The following GRIA2 variants were observed in gnomAD, a reference collection of about 807,000 sequenced individuals.
GRIA2 encodes the protein glutamate ionotropic receptor AMPA type subunit 2, also known as glutamate receptor 2.
In GRIA2, 14 loss-of-function variants were observed where a neutral mutation model predicts 97.3. The observed-to-expected ratio is 0.14, with a 90% confidence interval of 0.10 to 0.23. The LOEUF (loss-of-function observed/expected upper bound fraction) is 0.23. Among genes scored for constraint, GRIA2 ranks in the 10% least tolerant of loss-of-function variants. GRIA2 has a pLI of 1.00. For missense variants in GRIA2, 558 were observed against 1,069.8 expected (o/e 0.52, Z 6.67); for synonymous variants, 412 against 387.8 (o/e 1.06, Z -0.73).
intron 12 of GRIA2, among the ~76,000 whole-genome samples, chr4:157,352,716 T>C (rs1359722384): frequency 8.4e-5 from 6 of 71,134 alleles, no homozygotes; most frequent in African/African-American, 1.2e-4. Context: ...TAAGACTCCA[T>C]CTAAAAAAAA....
At chr4:157,362,332 C>T (rs1736665611) in intron 14 of GRIA2, 2 of 454,096 alleles carry the variant, frequency 4.4e-6, no homozygotes, top group South Asian at 1.6e-5. Context: ...GTCAGTCCTC[C>T]ATTTATGACT....
At chr4:157,313,777 A>G (rs895533401) in intron 4 of GRIA2, among the ~76,000 whole-genome samples, 1 of 151,922 alleles carries the variant, frequency 6.6e-6, no homozygotes, top group African/African-American at 2.4e-5. Flanking sequence ...ATATGTACAT[A>G]TATATGTGCA....
intron 11 of GRIA2, 32 bp from the exon 12 acceptor site, chr4:157,341,232 A>G (rs1263814903): frequency 4.8e-6 from 7 of 1,446,916 alleles, no homozygotes; most frequent in Non-Finnish European, 6.8e-6. Context: ...CATTCATTTC[A>G]CTTTACAAAT....
chr4:157,335,717 G>A lies in GRIA2; in HGVS notation c.1313G>A (p.Gly438Asp). The change falls in exon 10 of 16, where the codon GGC becomes GAC. Residue 438 changes from glycine to aspartate, a missense_variant. By Grantham distance (94) the Gly-to-Asp change is moderately conservative. This residue lies in a region of GRIA2 where 41 missense variants were observed against 102.2 expected (regional missense o/e 0.40). Coordinates refer to ENST00000264426, the MANE Select transcript of GRIA2 (RefSeq NM_001083619.3). The stretch of plus-strand genomic sequence containing the variant: ...AAGAAAAATCATGAAATGCTTGAAG[G>A]CAATGAGCGCTATGAGGGCTACTGT... ...MMKKNHEMLE[G>D]NERYEGYCVD... is the part of the protein sequence containing the mutation. The A allele has an allele frequency of 6.2e-7, 1 of 1,612,150 alleles. No homozygotes were observed. Among genetic ancestry groups the A allele is most frequent in the Non-Finnish European group, 8.5e-7 (1 of 1,178,538 alleles).
chr4:157,355,983 A>ATATATATTTATG (rs1736321378), intron 12 of GRIA2, among the ~76,000 whole-genome samples: 2 of 93,894 alleles, frequency 2.1e-5, no homozygotes, highest in Non-Finnish European at 3.9e-5. Flanking sequence ...ATATATATTT[A>ATATATATTTATG]TATATTTATA....
At chr4:157,293,918 A>C (rs990951939) in intron 2 of GRIA2, among the ~76,000 whole-genome samples, 3 of 152,134 alleles carry the variant, frequency 2.0e-5, no homozygotes, top group African/African-American at 7.2e-5. Context: ...TTCCTTGGCA[A>C]TTTAGAGATG....
intron 12 of GRIA2, among the ~76,000 whole-genome samples, chr4:157,354,656 G>T (rs1736167772): frequency 1.3e-5 from 2 of 152,116 alleles, no homozygotes; most frequent in Admixed American, 1.3e-4. Context: ...CTGGGTTCTT[G>T]CAGTCTCCCA....
intron 11 of GRIA2, among the ~76,000 whole-genome samples, chr4:157,339,571 T>C (rs979223129): frequency 6.6e-6 from 1 of 151,938 alleles, no homozygotes; most frequent in African/African-American, 2.4e-5. Context: ...TTAAATCTGA[T>C]ATAAGGACTG....
At chr4:157,298,917 G>A (rs758489136) in intron 2 of GRIA2, among the ~76,000 whole-genome samples, 5 of 151,938 alleles carry the variant, frequency 3.3e-5, no homozygotes, top group Non-Finnish European at 7.4e-5. Flanking sequence ...TGTGGAAAGG[G>A]GTGAGACCAC....
At position 157,335,884 on chromosome 4, in the gene GRIA2, A is replaced by G. The variant is rs1473794380; in HGVS notation, c.1473+7A>G. 23 of 1,544,838 alleles carry G rather than the reference A, an allele frequency of 1.5e-5. No individual in the cohort carries two copies. The highest frequency in any genetic ancestry group is 2.0e-5 in the Non-Finnish European group (22 of 1,119,974). On this transcript the variant is annotated splice_region_variant and intron_variant, in intron 10 of 15. Transcript: ENST00000264426. ...TGGAGAACTTGTATATGGGGTAAGTATAGCTCTTCTCATAGATAAAGTCAT... is the reference window on the plus strand; with the variant it reads ...TGGAGAACTTGTATATGGGGTAAGTGTAGCTCTTCTCATAGATAAAGTCAT...
At chr4:157,231,703 T>C (rs1048006258) in intron 2 of GRIA2, among the ~76,000 whole-genome samples, 2 of 152,208 alleles carry the variant, frequency 1.3e-5, no homozygotes, top group Non-Finnish European at 2.9e-5. Context: ...GTAACTGAAA[T>C]GTAGCAATTC....
chr4:157,325,761 T>A (rs150700153), intron 6 of GRIA2, among the ~76,000 whole-genome samples: 205 of 152,246 alleles, frequency 1.3e-3, no homozygotes, highest in African/African-American at 4.7e-3. Context: ...ATCCTATGAA[T>A]CAGAAAACCC....
At chr4:157,248,836 T>A (rs1730891962) in intron 2 of GRIA2, among the ~76,000 whole-genome samples, 1 of 145,550 alleles carries the variant, frequency 6.9e-6, no homozygotes, top group African/African-American at 2.5e-5. Flanking sequence ...TCTTTTTTTA[T>A]TTAAAAAAAT....
At chr4:157,341,206 T>G (rs1735531587) in intron 11 of GRIA2, 58 bp from the exon 12 acceptor site, 1 of 1,151,440 alleles carries the variant, frequency 8.7e-7, no homozygotes, top group South Asian at 1.2e-5. Context: ...ACTGCTAACT[T>G]GTTTTTTTAT....
chr4:157,244,044 G>A (rs544264429), intron 2 of GRIA2, among the ~76,000 whole-genome samples: 1 of 152,182 alleles, frequency 6.6e-6, no homozygotes, highest in African/African-American at 2.4e-5. Flanking sequence ...GCTGAGTGAG[G>A]AAGGTCTGTT....
At chr4:157,233,855 A>T (rs1016832588) in intron 2 of GRIA2, among the ~76,000 whole-genome samples, 1 of 152,094 alleles carries the variant, frequency 6.6e-6, no homozygotes, top group African/African-American at 2.4e-5. Flanking sequence ...GCTCGGTAGC[A>T]TAAGTGGAAT....
chr4:157,245,109 AT>A (rs1730670826), intron 2 of GRIA2, among the ~76,000 whole-genome samples: 1 of 152,072 alleles, frequency 6.6e-6, no homozygotes, highest in Non-Finnish European at 1.5e-5. Context: ...CACACAGTAA[AT>A]GAGGTGATTA....
At chr4:157,359,182 A>C (rs1222210378) in intron 12 of GRIA2, among the ~76,000 whole-genome samples, 1 of 152,156 alleles carries the variant, frequency 6.6e-6, no homozygotes, top group Non-Finnish European at 1.5e-5. Context: ...TTTAAGATAA[A>C]TATTCCTTTA....
intron 6 of GRIA2, among the ~76,000 whole-genome samples, chr4:157,329,342 T>G (rs1045380390): frequency 6.6e-6 from 1 of 152,000 alleles, no homozygotes; most frequent in East Asian, 1.9e-4. Context: ...TGTATAAAAA[T>G]TTTTTAACTA....
Sources: gnomAD v4.1 joint callset for allele counts (sites outside exome capture counted in the v4.1 genomes callset) on GRCh38, gnomAD v4.1.1 for gene constraint, gnomAD v4.1.1 regional missense constraint, MANE v1.5 for transcripts, NCBI Gene and HGNC (gene_info 2026-07-23, HGNC 2026-07-21) for gene names.